PCDHGA8: variants seen among roughly 807,000 people sequenced by gnomAD.
The protein encoded by PCDHGA8 is protocadherin gamma subfamily A, 8.
Under a neutral mutation model 59.2 loss-of-function variants are expected in PCDHGA8, and 45 were observed. The observed-to-expected ratio is 0.76, with a 90% CI of 0.60 to 0.98. The LOEUF (loss-of-function observed/expected upper bound fraction) is 0.98, where lower values mean the gene tolerates loss of function less well. PCDHGA8 is among the 50% of genes least tolerant of loss of function. The pLI is 0.00. For missense variants in PCDHGA8, 1,257 were observed against 1,196.2 expected (o/e 1.05, Z -0.75); for synonymous variants, 531 against 519.0 (o/e 1.02, Z -0.32).
Position 141,477,968 on chromosome 5 carries a change from C to T in PCDHGA8, c.2425-16839C>T. 6.2e-7 allele frequency: 1 copy of T among 1,614,140 alleles called. No individual in the cohort carries two copies. Among genetic ancestry groups the T allele is most frequent in the Non-Finnish European group, 8.5e-7 (1 of 1,180,042 alleles). The stretch of plus-strand genomic sequence containing the variant: ...TCTCTTGGGATCCCCTAACCAGAGC[C>T]TTTTTGCCATAGGGCTGCACACTGG... On this transcript the variant is annotated intron_variant, in intron 1 of 3. Transcript: ENST00000398604. The surrounding 1 kb of genome is among the most constrained non-coding windows in gnomAD (Gnocchi z 4.9).
intron 1 of PCDHGA8, among the ~76,000 whole-genome samples, chr5:141,456,499 A>C (rs1283501704): frequency 6.6e-6 from 1 of 152,210 alleles, no homozygotes; most frequent in Non-Finnish European, 1.5e-5. Flanking sequence ...AAAGGGGTTA[A>C]CCAATTCCAT....
intron 1 of PCDHGA8, among the ~76,000 whole-genome samples, chr5:141,424,839 A>G (rs1264853498): frequency 6.6e-6 from 1 of 152,198 alleles, no homozygotes; most frequent in Non-Finnish European, 1.5e-5. Context: ...CATACATGTT[A>G]TCTGAAGCAA....
Position 141,406,695 on chromosome 5 carries a change from A to T in PCDHGA8, c.2424+11458A>T, listed in dbSNP as rs62378452. Among the ~76,000 whole-genome samples, 1,219 of 152,310 alleles carry T rather than the reference A, an allele frequency of 8.0e-3. 8 individuals are homozygous for T. Among genetic ancestry groups the T allele is most frequent in the Non-Finnish European group, 0.011 (770 of 68,010 alleles). Reference sequence around the variant, plus strand: ...GAATAGTAGGACATTCTTCTTTTCTATAGTATATGCTTGCTCAAGAGAAGT... The same window carrying T: ...GAATAGTAGGACATTCTTCTTTTCTTTAGTATATGCTTGCTCAAGAGAAGT... On this transcript the variant is annotated intron_variant, in intron 1 of 3. Coordinates refer to ENST00000398604, the MANE Select transcript of PCDHGA8 (RefSeq NM_032088.2).
chr5:141,478,396 G>T (rs150499152), intron 1 of PCDHGA8: 2 of 1,613,446 alleles, frequency 1.2e-6, no homozygotes, highest in African/African-American at 2.7e-5. Flanking sequence ...ACCATCAGGT[G>T]TATCTCACCA....
At position 141,472,368 on chromosome 5, in the gene PCDHGA8, C is replaced by T. The variant is rs555805048; in HGVS notation, c.2425-22439C>T. ...CATCCTGGCTAACACGGTGAAACCC[C>T]GTCTCCACTAAAAATAGAAAAAATT... is the stretch of plus-strand genomic sequence containing the variant. On this transcript the variant is annotated intron_variant, in intron 1 of 3. Transcript: ENST00000398604. Among the ~76,000 whole-genome samples, 214 of 152,012 alleles carry T rather than the reference C, an allele frequency of 1.4e-3. 1 individual carries two copies. The highest frequency in any genetic ancestry group is 4.8e-3 in the African/African-American group (199 of 41,452).
chr5:141,407,158 G>A (rs2094893881), intron 1 of PCDHGA8, among the ~76,000 whole-genome samples: 1 of 152,166 alleles, frequency 6.6e-6, no homozygotes, highest in African/African-American at 2.4e-5. Flanking sequence ...AAGTGTCTGG[G>A]AATCCTTTAT....
intron 1 of PCDHGA8, among the ~76,000 whole-genome samples, chr5:141,460,285 T>C (rs1283830175): frequency 1.3e-5 from 2 of 152,154 alleles, no homozygotes; most frequent in Admixed American, 6.5e-5. Context: ...ATAGTTTGTA[T>C]TTCTTATGTC....
chr5:141,414,702 A>G, intron 1 of PCDHGA8: 1 of 1,613,974 alleles, frequency 6.2e-7, no homozygotes, highest in Non-Finnish European at 8.5e-7. Context: ...CCTCATACAT[A>G]TCCATCAACT....
chr5:141,418,270 A>T, intron 1 of PCDHGA8: 1 of 1,614,052 alleles, frequency 6.2e-7, no homozygotes. Context: ...GGAAAGATGA[A>T]ATAAACTTAG....
Position 141,392,942 on chromosome 5 carries a change from C to T in PCDHGA8, c.129C>T (p.Ser43=). The T allele has an allele frequency of 1.2e-6, 2 of 1,613,954 alleles. No individual in the cohort carries two copies. Among genetic ancestry groups the T allele is most frequent in the Non-Finnish European group, 1.7e-6 (2 of 1,179,896 alleles). Residue 43 remains serine (S), a synonymous_variant, in exon 1 of 4, where the codon TCC becomes TCT. Coordinates refer to ENST00000398604, the MANE Select transcript of PCDHGA8 (RefSeq NM_032088.2). The part of the protein sequence containing the change: ...YSVPEETDKG[S]FVGNISKDLG... ...TGCCAGAAGAGACGGACAAAGGCTC[C>T]TTCGTGGGTAATATCTCCAAGGACC...
chr5:141,434,948 T>C (rs1486185815), intron 1 of PCDHGA8, among the ~76,000 whole-genome samples: 1 of 151,828 alleles, frequency 6.6e-6, no homozygotes, highest in East Asian at 1.9e-4. Flanking sequence ...ATATAATTTA[T>C]TAACAATTTA....
intron 3 of PCDHGA8, chr5:141,508,363 A>G (rs996562348): frequency 1.3e-5 from 2 of 152,230 alleles, no homozygotes; most frequent in Non-Finnish European, 2.9e-5. Flanking sequence ...TGGCAATCCA[A>G]CTTCTTCCCC....
At chr5:141,409,030 GAT>G in intron 1 of PCDHGA8, 1 of 1,614,010 alleles carries the variant, frequency 6.2e-7, no homozygotes, top group Non-Finnish European at 8.5e-7. Context: ...TCAATGCTGA[GAT>G]AAACTACTAC....
intron 1 of PCDHGA8, chr5:141,478,878 T>A: frequency 8.0e-7 from 1 of 1,250,194 alleles, no homozygotes; most frequent in Non-Finnish European, 1.1e-6. Flanking sequence ...GAGTTTAGCT[T>A]GGTATCATTT....
intron 1 of PCDHGA8, chr5:141,399,483 C>G (rs753137844): frequency 6.2e-7 from 1 of 1,613,930 alleles, no homozygotes; most frequent in African/African-American, 1.3e-5. Context: ...ACCAGGCGTC[C>G]TACTTAGTCA....
At chr5:141,409,761 T>C (rs1373037367) in intron 1 of PCDHGA8, 1 of 1,612,966 alleles carries the variant, frequency 6.2e-7, no homozygotes, top group African/African-American at 1.3e-5. Flanking sequence ...CAGCGCGCCT[T>C]TGATCACGAG....
At chr5:141,500,192 A>T (rs865941565) in intron 2 of PCDHGA8, among the ~76,000 whole-genome samples, 1 of 110,142 alleles carries the variant, frequency 9.1e-6, no homozygotes, top group Non-Finnish European at 2.0e-5. Context: ...ATTTTTATTT[A>T]TTTATTTATT....
intron 1 of PCDHGA8, among the ~76,000 whole-genome samples, chr5:141,436,320 G>A (rs1158221950): frequency 6.6e-6 from 1 of 152,120 alleles, no homozygotes; most frequent in African/African-American, 2.4e-5. Flanking sequence ...AGTCAAGACT[G>A]TTAGACCATA....
intron 1 of PCDHGA8, among the ~76,000 whole-genome samples, chr5:141,456,046 C>T (rs759479772): frequency 1.3e-5 from 2 of 151,904 alleles, no homozygotes; most frequent in Non-Finnish European, 2.9e-5. Context: ...TACAGGCGCC[C>T]ACCACCACGT....
Sources: allele counts gnomAD v4.1 joint callset (sites outside exome capture counted in the v4.1 genomes callset), GRCh38; gene constraint gnomAD v4.1.1; non-coding constraint Gnocchi (gnomAD v3.1); transcripts MANE v1.5; gene names NCBI Gene and HGNC (gene_info 2026-07-23, HGNC 2026-07-21).